The following PRRC2B variants were observed in gnomAD, a reference collection of about 807,000 sequenced individuals.
PRRC2B encodes proline rich coiled-coil 2B.
In PRRC2B, 68 loss-of-function variants were observed where a neutral mutation model predicts 242.3. The observed-to-expected ratio is 0.28, with a 90% CI of 0.23 to 0.34. PRRC2B has a LOEUF of 0.34. Ranked by LOEUF, PRRC2B falls within the 10% of genes least tolerant of loss-of-function variation. PRRC2B has a pLI of 1.00. For synonymous variants in PRRC2B, 1,228 were observed against 1,173.6 expected (o/e 1.05, Z -0.95); for missense variants, 2,835 against 2,954.8 (o/e 0.96, Z 0.94).
chr9:131,489,703 CAAG>C, intron 28 of PRRC2B, among the ~76,000 whole-genome samples: 1 of 152,322 alleles, frequency 6.6e-6, no homozygotes, highest in Non-Finnish European at 1.5e-5. Context: ...TGACAGTCTC[CAAG>C]CCCCTGTGGC....
At chr9:131,450,879 T>C (rs1339313267) in intron 9 of PRRC2B, among the ~76,000 whole-genome samples, 1 of 151,500 alleles carries the variant, frequency 6.6e-6, no homozygotes. Context: ...TGAGCCACCA[T>C]GTCCAGTCCT....
At chr9:131,383,029 C>G (rs563243329) in intron 1 of PRRC2B, among the ~76,000 whole-genome samples, 23 of 152,126 alleles carry the variant, frequency 1.5e-4, no homozygotes, top group Admixed American at 8.5e-4. Context: ...GATGTCCTCC[C>G]GGTGCTCAGA....
At chr9:131,387,011 T>G (rs1836835303) in intron 1 of PRRC2B, among the ~76,000 whole-genome samples, 1 of 145,774 alleles carries the variant, frequency 6.9e-6, no homozygotes, top group African/African-American at 2.5e-5. Context: ...TCTTTCTTTC[T>G]TTCTTTTTTG....
intron 13 of PRRC2B, among the ~76,000 whole-genome samples, chr9:131,470,411 A>G (rs935754625): frequency 5.3e-5 from 8 of 152,148 alleles, no homozygotes; most frequent in African/African-American, 1.9e-4. Context: ...CTGGTGTATT[A>G]TTTAACCTCA....
Position 131,494,383 on chromosome 9 carries a change from C to T in PRRC2B, c.6474-22C>T. 1 of 1,418,158 alleles carries T rather than the reference C, an allele frequency of 7.1e-7. No individual in the cohort carries two copies. The highest frequency in any genetic ancestry group is 1.7e-4 in the Middle Eastern group (1 of 5,726). 87.8% of individuals were successfully genotyped at this position (1,418,158 alleles called of 1,614,324 possible). ...GTGGTGACACGTTGTGTATTCTCAA[C>T]CCCTGCCTTTGGTTTTTTCAGGCCT... On this transcript the variant is annotated intron_variant, in intron 30 of 31. Transcript: ENST00000683519. This position sits in a 1 kb window ranked among gnomAD's most constrained non-coding sequence, Gnocchi z 4.3.
chr9:131,431,362 C>A (rs377551546), intron 2 of PRRC2B, among the ~76,000 whole-genome samples: 2 of 151,470 alleles, frequency 1.3e-5, no homozygotes, highest in Non-Finnish European at 2.9e-5. Flanking sequence ...GATCTCCTGA[C>A]CTCGTGATCG....
chr9:131,472,960 C>T lies in PRRC2B; in HGVS notation c.2108-548C>T, dbSNP rs114602143. ...ACGTGAAAATTCTAACATGCACCTT[C>T]AACTTAGCAAAGCATTTGGGGAGGT... On this transcript the variant is annotated intron_variant, in intron 14 of 31. Transcript: ENST00000683519. Among the ~76,000 whole-genome samples, 240 of 152,266 alleles carry T rather than the reference C, an allele frequency of 1.6e-3. 1 individual carries two copies. Among genetic ancestry groups the T allele is most frequent in the African/African-American group, 5.5e-3 (227 of 41,540 alleles).
At chr9:131,423,545 C>G (rs1218053584) in intron 1 of PRRC2B, among the ~76,000 whole-genome samples, 1 of 152,212 alleles carries the variant, frequency 6.6e-6, no homozygotes, top group African/African-American at 2.4e-5. Context: ...GTGGAGATCC[C>G]TGCAACGGGA....
Position 131,437,814 on chromosome 9 carries a change from C to T in PRRC2B, c.396+1092C>T, listed in dbSNP as rs543740005. On this transcript the variant is annotated intron_variant, in intron 4 of 31. Transcript: ENST00000683519. ...AGTCAGAGTATTTAGAGTTGAGTTCCTTTCTGCTTCCCAGAATTTGAAAGA... is the reference window on the plus strand; with the variant it reads ...AGTCAGAGTATTTAGAGTTGAGTTCTTTTCTGCTTCCCAGAATTTGAAAGA... Among the ~76,000 whole-genome samples the T allele has an allele frequency of 1.3e-3, 192 of 152,326 alleles. 1 individual carries two copies. Among genetic ancestry groups the T allele is most frequent in the African/African-American group, 4.0e-3 (167 of 41,574 alleles).
At chr9:131,425,266 G>A (rs543956899) in intron 1 of PRRC2B, among the ~76,000 whole-genome samples, 41 of 152,096 alleles carry the variant, frequency 2.7e-4, no homozygotes, top group Non-Finnish European at 4.1e-4. Flanking sequence ...GATTACAGGC[G>A]TGAGCTACCA....
intron 12 of PRRC2B, 72 bp from the exon 13 acceptor site, chr9:131,467,491 T>C: frequency 7.5e-7 from 1 of 1,332,554 alleles, no homozygotes; most frequent in Non-Finnish European, 1.0e-6. Flanking sequence ...AAGAAGTACT[T>C]GTTTGTAAAC....
chr9:131,452,089 GTATTTTTGTAAGAT>G (rs1942939424), intron 9 of PRRC2B, among the ~76,000 whole-genome samples: 1 of 3,956 alleles, frequency 2.5e-4, no homozygotes, highest in Non-Finnish European at 1.8e-3. Context: ...AATAAGATTG[GTATTTTTGTAAGAT>G]CAGTATAAGA....
chr9:131,397,509 G>A (rs1304077208), intron 1 of PRRC2B, among the ~76,000 whole-genome samples: 1 of 143,334 alleles, frequency 7.0e-6, no homozygotes, highest in African/African-American at 2.6e-5. Context: ...AACCTCTTTT[G>A]AATTTCAGTT....
Position 131,492,249 on chromosome 9 carries a change from A to G in PRRC2B, c.6462A>G (p.Pro2154=), listed in dbSNP as rs376770973. ...CTTCAGGAGGCCCCGTGCCATCGCCACAGACCTACAGGTAAAGCCACTCCC... is the reference window on the plus strand; with the variant it reads ...CTTCAGGAGGCCCCGTGCCATCGCCGCAGACCTACAGGTAAAGCCACTCCC... The part of the protein sequence containing the change: ...NVPSGGPVPS[P]QTYRPSSASP... The change falls in exon 30 of 32, where the codon CCA becomes CCG. Residue 2154 remains proline, a synonymous_variant. Coordinates refer to ENST00000683519, the MANE Select transcript of PRRC2B (RefSeq NM_013318.4). The G allele has an allele frequency of 3.1e-6, 5 of 1,613,656 alleles. No homozygotes were observed. The highest frequency in any genetic ancestry group is 1.1e-5 in the South Asian group (1 of 91,082).
chr9:131,430,550 GGTGTGTGTGTAT>G (rs1205925956), intron 2 of PRRC2B, among the ~76,000 whole-genome samples: 1 of 82,666 alleles, frequency 1.2e-5, no homozygotes, highest in African/African-American at 4.2e-5. Flanking sequence ...GATATCTATA[GGTGTGTGTGTAT>G]GTGTGTGTGT....
rs568774521 is a variant in PRRC2B at position 131,425,294 on chromosome 9, G to GA, written c.-51-4800_-51-4799insA. On this transcript the variant is annotated intron_variant, in intron 1 of 31. Transcript: ENST00000683519. ...AGCTACCACGCCTGACCTGAGCAAG[G>GA]TTTTTTTCCTTTTGTTGCCACTAGG... is the stretch of plus-strand genomic sequence containing the variant. 8.2e-4 allele frequency among the ~76,000 whole-genome samples: 124 copies of GA among 151,544 alleles called. 1 individual carries two copies. The South Asian group carries it at 0.015, about 18-fold the overall frequency.
At position 131,475,825 on chromosome 9, in the gene PRRC2B, A is replaced by C. The variant is rs781641503; in HGVS notation, c.3696A>C (p.Pro1232=). ...KESPHWQSKS[P]GSSWQEYGPS... is the part of the protein sequence containing the mutation. The stretch of plus-strand genomic sequence containing the variant: ...CACCCCACTGGCAGAGCAAAAGTCC[A>C]GGCAGCTCTTGGCAGGAATATGGCC... Residue 1232 remains proline, a synonymous_variant, in exon 16 of 32, where the codon CCA becomes CCC. Transcript: ENST00000683519. The C allele has an allele frequency of 3.1e-6, 5 of 1,612,724 alleles. No individual in the cohort carries two copies. In the African/African-American group the frequency reaches 4.0e-5, roughly 13 times the overall value.
chr9:131,393,054 T>C (rs1261430812), upstream of PRRC2B, among the ~76,000 whole-genome samples: 3 of 152,194 alleles, frequency 2.0e-5, no homozygotes, highest in Non-Finnish European at 4.4e-5. Flanking sequence ...TAAGCTTTGT[T>C]CACCAGCCTC....
rs143388976 is a variant in PRRC2B at position 131,478,672 on chromosome 9, C to A, written c.4758+53C>A. Reference sequence around the variant, plus strand: ...GGGCTGGAGGGCAGGCTGGCAGATGCCCAGGAAACCCAGAGCCAGAGGGTA... The same window carrying A: ...GGGCTGGAGGGCAGGCTGGCAGATGACCAGGAAACCCAGAGCCAGAGGGTA... On this transcript the variant is annotated intron_variant, in intron 18 of 31. Transcript: ENST00000683519. The A allele has an allele frequency of 1.3e-4, 171 of 1,313,678 alleles. 1 individual carries two copies. The East Asian group carries it at 1.3e-3, about 10-fold the overall frequency. 81.4% of individuals were successfully genotyped at this position (1,313,678 alleles called of 1,614,324 possible).
Sources: allele counts gnomAD v4.1 joint callset (sites outside exome capture counted in the v4.1 genomes callset), GRCh38; gene constraint gnomAD v4.1.1; non-coding constraint Gnocchi (gnomAD v3.1); transcripts MANE v1.5; gene names NCBI Gene and HGNC (gene_info 2026-07-23, HGNC 2026-07-21).